The following ARPP21 variants were observed in gnomAD, a reference collection of about 807,000 sequenced individuals.
ARPP21 encodes cAMP-regulated phosphoprotein 21.
Under a neutral mutation model 113.2 loss-of-function variants are expected in ARPP21, and 69 were observed. That is an observed-to-expected ratio of 0.61 (90% CI 0.50 to 0.74). The LOEUF is 0.74. Ranked by LOEUF, ARPP21 falls within the 30% of genes least tolerant of loss-of-function variation. ARPP21 has a pLI of 0.00. For missense variants in ARPP21, 1,070 were observed against 1,037.4 expected (o/e 1.03, Z -0.43); for synonymous variants, 368 against 375.5 (o/e 0.98, Z 0.23).
intron 19 of ARPP21, among the ~76,000 whole-genome samples, chr3:35,748,193 AAG>A (rs1359614214): frequency 4.7e-5 from 5 of 106,536 alleles, no homozygotes; most frequent in African/African-American, 8.9e-5. Context: ...GAAAGAAAGA[AAG>A]AGAGAGAGAG....
chr3:35,714,717 C>G (rs1207878646), intron 11 of ARPP21, among the ~76,000 whole-genome samples: 1 of 152,052 alleles, frequency 6.6e-6, no homozygotes, highest in Non-Finnish European at 1.5e-5. Flanking sequence ...GAATTTTGTC[C>G]TCCCTACATT....
At position 35,674,498 on chromosome 3, in the gene ARPP21, G is replaced by A. The variant is rs554180294; in HGVS notation, c.-212-5289G>A. Among the ~76,000 whole-genome samples, 6 of 151,864 alleles carry A rather than the reference G, an allele frequency of 4.0e-5. No individual in the cohort carries two copies. In the South Asian group the frequency reaches 1.2e-3, roughly 32 times the overall value. ...CCGTGTTTCAGCACCAATATGGATTGTAATTAATTGTTCCACATTAAAAAA... is the reference window on the plus strand; with the variant it reads ...CCGTGTTTCAGCACCAATATGGATTATAATTAATTGTTCCACATTAAAAAA... On this transcript the variant is annotated intron_variant, in intron 1 of 20. Coordinates refer to ENST00000684406, the MANE Select transcript of ARPP21 (RefSeq NM_001385562.1).
chr3:35,689,502 G>A (rs1460338874), intron 7 of ARPP21, 117 bp downstream of exon 7: 5 of 607,764 alleles, frequency 8.2e-6, no homozygotes, highest in Middle Eastern at 4.2e-4. Context: ...CTTCCCTGAC[G>A]TCTTAAACTG....
In ARPP21 at chr3:35,674,006, A is replaced by G. The variant is rs187503881; in HGVS notation, c.-212-5781A>G. Among the ~76,000 whole-genome samples the G allele has an allele frequency of 4.9e-3, 752 of 152,108 alleles. 2 individuals are homozygous for G. The highest frequency in any genetic ancestry group is 8.6e-3 in the Non-Finnish European group (585 of 67,932). On this transcript the variant is annotated intron_variant, in intron 1 of 20. Coordinates refer to ENST00000684406, the MANE Select transcript of ARPP21 (RefSeq NM_001385562.1). ...GCATTTTATGAAAAATTCTTGTTCC[A>G]TTAGAGAGTGTCTCCAATAGAAATA...
chr3:35,678,281 T>C (rs2149415362), intron 1 of ARPP21, among the ~76,000 whole-genome samples: 1 of 152,074 alleles, frequency 6.6e-6, no homozygotes, highest in East Asian at 1.9e-4. Flanking sequence ...AGAGTTTCTG[T>C]GATCCTTGAG....
intron 9 of ARPP21, among the ~76,000 whole-genome samples, chr3:35,706,461 CA>C (rs1424318325): frequency 6.6e-6 from 1 of 152,128 alleles, no homozygotes; most frequent in African/African-American, 2.4e-5. Context: ...AGCCAGATTC[CA>C]GAGCTTTCGT....
chr3:35,675,580 A>C (rs2077270867), intron 1 of ARPP21, among the ~76,000 whole-genome samples: 1 of 151,880 alleles, frequency 6.6e-6, no homozygotes, highest in South Asian at 2.1e-4. Context: ...ATCCAGGGTA[A>C]GCTTTGGGAA....
chr3:35,673,098 G>T (rs935176551), intron 1 of ARPP21, among the ~76,000 whole-genome samples: 3 of 152,056 alleles, frequency 2.0e-5, no homozygotes, highest in Admixed American at 6.6e-5. Context: ...TGCAGAAAGA[G>T]AATGCTATTA....
At chr3:35,678,677 A>C (rs1260167698) in intron 1 of ARPP21, 1 of 151,952 alleles carries the variant, frequency 6.6e-6, no homozygotes, top group African/African-American at 2.4e-5. Flanking sequence ...CTTGCACAAC[A>C]AATGGCTTTG....
intron 1 of ARPP21, chr3:35,678,684 T>G (rs973522942): frequency 5.9e-5 from 9 of 151,972 alleles, no homozygotes; most frequent in Non-Finnish European, 1.0e-4. Context: ...AACAAATGGC[T>G]TTGTAACCCA....
intron 19 of ARPP21, among the ~76,000 whole-genome samples, chr3:35,773,305 G>A (rs1469473823): frequency 2.0e-5 from 3 of 152,082 alleles, no homozygotes; most frequent in Non-Finnish European, 4.4e-5. Flanking sequence ...GACCGTATGA[G>A]ATTGATATCA....
chr3:35,738,717 T>A (rs1181302057), intron 17 of ARPP21, among the ~76,000 whole-genome samples: 2 of 152,184 alleles, frequency 1.3e-5, no homozygotes, highest in Non-Finnish European at 2.9e-5. Flanking sequence ...GCAATTCCAA[T>A]CTCCCAATTT....
chr3:35,715,691 A>G (rs996695328), intron 12 of ARPP21: 2 of 372,124 alleles, frequency 5.4e-6, no homozygotes, highest in Admixed American at 4.1e-5. Flanking sequence ...TCCAAACAGA[A>G]TTGTAAAACT....
intron 19 of ARPP21, among the ~76,000 whole-genome samples, chr3:35,786,393 G>A (rs773257261): frequency 2.6e-5 from 4 of 152,040 alleles, no homozygotes; most frequent in Non-Finnish European, 4.4e-5. Context: ...GTGGTGGTGC[G>A]TGCCTGTTTT....
At chr3:35,773,780 G>A (rs904021944) in intron 19 of ARPP21, among the ~76,000 whole-genome samples, 1 of 152,102 alleles carries the variant, frequency 6.6e-6, no homozygotes, top group African/African-American at 2.4e-5. Context: ...ATCCTCAAAA[G>A]TAACAGCCGT....
At chr3:35,679,054 G>T (rs2078210631) in intron 1 of ARPP21, among the ~76,000 whole-genome samples, 2 of 151,910 alleles carry the variant, frequency 1.3e-5, no homozygotes, top group Non-Finnish European at 2.9e-5. Flanking sequence ...GTTTTCAACA[G>T]GCTTGAAGTT....
chr3:35,710,436 C>T (rs960718839), intron 11 of ARPP21, among the ~76,000 whole-genome samples: 2 of 151,960 alleles, frequency 1.3e-5, no homozygotes, highest in African/African-American at 4.8e-5. Context: ...TGGAAAGTAG[C>T]ATTTTCCTGT....
chr3:35,672,957 G>T (rs1250659283), intron 1 of ARPP21, among the ~76,000 whole-genome samples: 1 of 152,018 alleles, frequency 6.6e-6, no homozygotes, highest in African/African-American at 2.4e-5. Context: ...AAAGGTAGTT[G>T]TAATGATATA....
chr3:35,690,379 G>A (rs2081900146), intron 8 of ARPP21, among the ~76,000 whole-genome samples: 1 of 151,428 alleles, frequency 6.6e-6, no homozygotes, highest in South Asian at 2.1e-4. Context: ...GTGGGCCACT[G>A]ATTAGCATAG....
Sources: allele counts gnomAD v4.1 joint callset (sites outside exome capture counted in the v4.1 genomes callset), GRCh38; gene constraint gnomAD v4.1.1; transcripts MANE v1.5; gene names NCBI Gene and HGNC (gene_info 2026-07-23, HGNC 2026-07-21).